PRUNE2: variants seen among roughly 807,000 people sequenced by gnomAD.
The protein encoded by PRUNE2 is prune homolog 2 with BCH domain.
PRUNE2 carries 164 observed loss-of-function variants against 252.0 expected under a neutral mutation model. That is an observed-to-expected ratio of 0.65 (90% CI 0.57 to 0.74). The LOEUF is 0.74. PRUNE2 is among the 30% of genes least tolerant of loss of function. The pLI is 0.00. For synonymous variants in PRUNE2, 1,292 were observed against 1,350.2 expected (o/e 0.96, Z 0.94); for missense variants, 3,495 against 3,711.0 (o/e 0.94, Z 1.51).
At chr9:76,864,794 G>A (rs967056367) in intron 1 of PRUNE2, among the ~76,000 whole-genome samples, 1 of 152,206 alleles carries the variant, frequency 6.6e-6, no homozygotes, top group Non-Finnish European at 1.5e-5. Flanking sequence ...TAGTAGTCAT[G>A]GAAATGCAAA....
chr9:76,651,130 CAT>C (rs1847227890), intron 11 of PRUNE2, among the ~76,000 whole-genome samples: 2 of 151,854 alleles, frequency 1.3e-5, no homozygotes, highest in Admixed American at 6.6e-5. Flanking sequence ...GAAATTCACA[CAT>C]GATAAAAATG....
At chr9:76,774,239 G>C (rs541546273) in intron 6 of PRUNE2, among the ~76,000 whole-genome samples, 1 of 150,830 alleles carries the variant, frequency 6.6e-6, no homozygotes, top group Non-Finnish European at 1.5e-5. Context: ...AGGCTCAAGC[G>C]ATCCTCCCAC....
Position 76,706,290 on chromosome 9 carries a change from G to C in PRUNE2, c.5984C>G (p.Thr1995Arg). The stretch of plus-strand genomic sequence containing the variant: ...TGATTTTTCTTGTTCCCACTGATTT[G>C]TTTCTTGACCTTCATTAGTTGAAAC... ...SNVSTNEGQE[T>R]NQWEQEKSYL... is the part of the protein sequence containing the mutation. The change falls in exon 8 of 19, where the codon ACA (threonine) becomes AGA (arginine). Residue 1995 changes from threonine (T) to arginine (R), a missense_variant. Physicochemically the swap from Thr to Arg is moderately conservative, Grantham distance 71 (BLOSUM62 -1). Transcript: ENST00000376718. 6.2e-7 allele frequency: 1 copy of C among 1,613,940 alleles called. No individual in the cohort carries two copies. The highest frequency in any genetic ancestry group is 8.5e-7 in the Non-Finnish European group (1 of 1,179,870).
At chr9:76,653,350 T>C (rs1848105829) in intron 10 of PRUNE2, among the ~76,000 whole-genome samples, 1 of 152,180 alleles carries the variant, frequency 6.6e-6, no homozygotes, top group African/African-American at 2.4e-5. Flanking sequence ...GTCCCTAATA[T>C]AAAATGGTGT....
At chr9:76,679,014 AG>A (rs1229929860) in intron 9 of PRUNE2, among the ~76,000 whole-genome samples, 1 of 152,206 alleles carries the variant, frequency 6.6e-6, no homozygotes, top group Non-Finnish European at 1.5e-5. Flanking sequence ...GAAAGCCTCA[AG>A]ATTCAGGAGG....
intron 11 of PRUNE2, among the ~76,000 whole-genome samples, chr9:76,649,125 C>T (rs954264160): frequency 3.7e-4 from 56 of 152,252 alleles, no homozygotes; most frequent in African/African-American, 1.3e-3. Context: ...CCTAAAGTTG[C>T]TCTAAAGAAT....
chr9:76,733,517 T>G (rs994004159), intron 6 of PRUNE2: 1 of 151,756 alleles, frequency 6.6e-6, no homozygotes, highest in African/African-American at 2.4e-5. Context: ...CCAGTGGTCC[T>G]CCCACCTCTG....
At chr9:76,871,993 A>C (rs769978361) in intron 1 of PRUNE2, among the ~76,000 whole-genome samples, 3 of 152,170 alleles carry the variant, frequency 2.0e-5, no homozygotes, top group Non-Finnish European at 4.4e-5. Flanking sequence ...GAAAATAGTC[A>C]ACATTTATAC....
intron 6 of PRUNE2, chr9:76,737,780 T>C (rs1265216335): frequency 1.3e-5 from 2 of 152,224 alleles, no homozygotes; most frequent in African/African-American, 4.8e-5. Flanking sequence ...CTACAGCAAA[T>C]GAACTGGTAA....
intron 6 of PRUNE2, chr9:76,758,540 G>T (rs935327042): frequency 6.7e-6 from 1 of 149,076 alleles, no homozygotes; most frequent in Non-Finnish European, 1.5e-5. Flanking sequence ...CTCACTGTCA[G>T]TTAGGATGGA....
At chr9:76,786,218 C>G (rs2054959951) in intron 6 of PRUNE2, 1 of 148,564 alleles carries the variant, frequency 6.7e-6, no homozygotes, top group Non-Finnish European at 1.5e-5. Context: ...GAACTTCTGT[C>G]CCTCTTTGTG....
intron 1 of PRUNE2, among the ~76,000 whole-genome samples, chr9:76,855,082 A>AAAAAAAAATATATATATAT (rs1490285240): frequency 1.8e-5 from 2 of 109,430 alleles, no homozygotes; most frequent in African/African-American, 7.7e-5. Context: ...AAAAAAAAAA[A>AAAAAAAAATATATATATAT]ATATATATAT....
At chr9:76,896,573 C>T (rs1009602205) in intron 1 of PRUNE2, among the ~76,000 whole-genome samples, 8 of 152,160 alleles carry the variant, frequency 5.3e-5, no homozygotes, top group African/African-American at 1.7e-4. Flanking sequence ...TTTCTTTTCT[C>T]CTATTTCCCC....
At chr9:76,736,135 AGTGTGTGTGTGTGT>A (rs10536918) in intron 6 of PRUNE2, among the ~76,000 whole-genome samples, 113 of 149,402 alleles carry the variant, frequency 7.6e-4, no homozygotes, top group Non-Finnish European at 1.5e-3. Flanking sequence ...GGTTTGTGTG[AGTGTGTGTGTGTGT>A]GTGTGTGTGT....
intron 9 of PRUNE2, among the ~76,000 whole-genome samples, chr9:76,674,272 G>A (rs1376683098): frequency 2.6e-5 from 4 of 152,146 alleles, no homozygotes; most frequent in Non-Finnish European, 5.9e-5. Context: ...CAGACAAACA[G>A]AGAGCCAAAT....
intron 9 of PRUNE2, among the ~76,000 whole-genome samples, chr9:76,661,637 T>G (rs1290908426): frequency 6.6e-6 from 1 of 152,248 alleles, no homozygotes; most frequent in African/African-American, 2.4e-5. Flanking sequence ...GGAATAATTC[T>G]TCAGAAGATG....
chr9:76,756,980 A>C (rs111450905), intron 6 of PRUNE2, among the ~76,000 whole-genome samples: 6 of 152,240 alleles, frequency 3.9e-5, no homozygotes, highest in Non-Finnish European at 7.3e-5. Context: ...CAATCTGCAT[A>C]AATTCTACTG....
chr9:76,731,002 A>G, intron 6 of PRUNE2, among the ~76,000 whole-genome samples: 1 of 152,190 alleles, frequency 6.6e-6, no homozygotes, highest in East Asian at 1.9e-4. Context: ...AGAGTGTGGA[A>G]TTTATCTAAG....
chr9:76,829,436 T>A (rs1381212108), intron 4 of PRUNE2, among the ~76,000 whole-genome samples: 1 of 152,060 alleles, frequency 6.6e-6, no homozygotes, highest in Non-Finnish European at 1.5e-5. Flanking sequence ...CCCTAGAGAG[T>A]TATATCCTAG....
Sources: gnomAD v4.1 joint callset for allele counts (sites outside exome capture counted in the v4.1 genomes callset) on GRCh38, gnomAD v4.1.1 for gene constraint, MANE v1.5 for transcripts, NCBI Gene and HGNC (gene_info 2026-07-23, HGNC 2026-07-21) for gene names.